Variants in PKIB observed in about 807,000 individuals in gnomAD.
PKIB encodes PKI-beta.
In PKIB, 2 loss-of-function variants were observed where a neutral mutation model predicts 4.5. The ratio of observed to expected loss-of-function variants is 0.44; its 90% CI spans 0.18 to 1.39. PKIB has a LOEUF of 1.39. Ranked by LOEUF, PKIB falls within the 40% of genes most tolerant of loss-of-function variation. The pLI, the probability that PKIB is intolerant of heterozygous loss-of-function variation, is 0.27. For synonymous variants in PKIB, 38 were observed against 36.0 expected, an observed-to-expected ratio of 1.06 and a Z score of -0.20; for missense variants, 94 against 92.6, an observed-to-expected ratio of 1.02 and a Z score of -0.06.
intron 2 of PKIB, among the ~76,000 whole-genome samples, chr6:122,545,000 C>G (rs1772447256): frequency 6.6e-6 from 1 of 151,996 alleles, no homozygotes; most frequent in Admixed American, 6.6e-5. Context: ...CAGATGCTAG[C>G]AAGGTTGCAG....
Position 122,501,026 on chromosome 6 carries a change from G to A in PKIB, c.-248+23087G>A, listed in dbSNP as rs144619718. On this transcript the variant is annotated intron_variant, in intron 2 of 6. Transcript: ENST00000392491. ...CCCCACCAGGACCCTCTCCCAACAC[G>A]TGGGGATTACAATTTGACATGAGAT... Among the ~76,000 whole-genome samples, 5 of 152,106 alleles carry A rather than the reference G, an allele frequency of 3.3e-5. No individual in the cohort carries two copies. The East Asian group carries it at 7.7e-4, about 24-fold the overall frequency.
In PKIB at chr6:122,718,268, G is replaced by T. The variant is rs185007774; in HGVS notation, c.169+305G>T. On this transcript the variant is annotated intron_variant, in intron 4 of 4. Transcript: ENST00000368452. ...GAACAAATATGATCTTTCTCTCAAT[G>T]AGCTTTCAAGTTTATTAAGAAGTAT... is the stretch of plus-strand genomic sequence containing the variant. Among the ~76,000 whole-genome samples, 48 of 152,196 alleles carry T rather than the reference G, an allele frequency of 3.2e-4. 2 individuals are homozygous for T. In the East Asian group the frequency reaches 9.3e-3, roughly 30 times the overall value.
intron 2 of PKIB, among the ~76,000 whole-genome samples, chr6:122,563,874 C>T (rs1333933113): frequency 1.3e-5 from 2 of 152,118 alleles, no homozygotes; most frequent in East Asian, 1.9e-4. Context: ...TGAAATCTCC[C>T]GCCTCCCAGC....
At chr6:122,606,766 T>G (rs1260626491), upstream of PKIB, among the ~76,000 whole-genome samples, 2 of 151,920 alleles carry the variant, frequency 1.3e-5, no homozygotes, top group Non-Finnish European at 2.9e-5. Context: ...CCCACCAGCA[T>G]ATAAAAACAT....
chr6:122,699,776 G>T (rs1778722228), intron 3 of PKIB, among the ~76,000 whole-genome samples: 1 of 152,070 alleles, frequency 6.6e-6, no homozygotes, highest in Non-Finnish European at 1.5e-5. Context: ...TTTTCATTGG[G>T]TCAGAGCGTC....
intron 2 of PKIB, among the ~76,000 whole-genome samples, chr6:122,541,637 T>C (rs1040930415): frequency 2.6e-5 from 4 of 151,918 alleles, no homozygotes; most frequent in African/African-American, 7.3e-5. Context: ...ATTTCAACTT[T>C]GGTGAATCTG....
chr6:122,500,833 A>G (rs1322914253), intron 2 of PKIB, among the ~76,000 whole-genome samples: 6 of 152,218 alleles, frequency 3.9e-5, no homozygotes, highest in Admixed American at 2.0e-4. Flanking sequence ...GAAATTTGCA[A>G]TCATGGCAGA....
intron 2 of PKIB, among the ~76,000 whole-genome samples, chr6:122,665,902 A>G (rs940762988): frequency 1.3e-5 from 2 of 152,188 alleles, no homozygotes; most frequent in Non-Finnish European, 1.5e-5. Context: ...TTCGGTATAA[A>G]GAATAGTCAT....
At chr6:122,484,123 G>A in intron 2 of PKIB, 1 of 150,294 alleles carries the variant, frequency 6.7e-6, no homozygotes, top group East Asian at 2.0e-4. Context: ...AATGAATTTG[G>A]TTGTGCCTTC....
intron 3 of PKIB, among the ~76,000 whole-genome samples, chr6:122,595,286 T>A (rs1358008615): frequency 6.6e-6 from 1 of 152,190 alleles, no homozygotes; most frequent in Non-Finnish European, 1.5e-5. Flanking sequence ...TGTCACGTAG[T>A]TGGCATTGTA....
intron 2 of PKIB, among the ~76,000 whole-genome samples, chr6:122,558,661 A>G (rs2114668174): frequency 6.6e-6 from 1 of 152,278 alleles, no homozygotes; most frequent in African/African-American, 2.4e-5. Context: ...CATTGCTTCT[A>G]TGTAATATAA....
rs78476867 is a variant in PKIB, at chr6:122,699,784, G to A, written c.-8-18003G>A. On this transcript the variant is annotated intron_variant, in intron 3 of 4. Transcript: ENST00000368452. ...CATTTATTTTTCATTGGGTCAGAGC[G>A]TCCATGTCCATTATGGGATATTTTA... 3.3e-3 allele frequency among the ~76,000 whole-genome samples: 502 copies of A among 152,242 alleles called. 5 individuals are homozygous for A. The highest frequency in any genetic ancestry group is 0.012 in the African/African-American group (478 of 41,546).
intron 2 of PKIB, among the ~76,000 whole-genome samples, chr6:122,547,484 C>T (rs1034024952): frequency 7.9e-5 from 12 of 151,940 alleles, no homozygotes; most frequent in Admixed American, 5.9e-4. Flanking sequence ...TACAGGCGCC[C>T]GCCACCAAGC....
chr6:122,704,323 A>G (rs1307742046), intron 3 of PKIB, among the ~76,000 whole-genome samples: 1 of 152,126 alleles, frequency 6.6e-6, no homozygotes, highest in East Asian at 1.9e-4. Context: ...ACACCCCGAG[A>G]AATGGTTAAC....
intron 2 of PKIB, among the ~76,000 whole-genome samples, chr6:122,653,845 C>T (rs533225089): frequency 6.6e-6 from 1 of 152,214 alleles, no homozygotes; most frequent in Non-Finnish European, 1.5e-5. Context: ...GTAGTCCCAA[C>T]TACTCGGAAG....
intron 2 of PKIB, among the ~76,000 whole-genome samples, chr6:122,505,313 G>A (rs1363837594): frequency 6.6e-6 from 1 of 152,136 alleles, no homozygotes. Context: ...CTCCTCAGAG[G>A]CCTCTTGTGG....
intron 2 of PKIB, among the ~76,000 whole-genome samples, chr6:122,660,224 A>C (rs1210088061): frequency 1.3e-5 from 2 of 152,188 alleles, no homozygotes; most frequent in Admixed American, 1.3e-4. Context: ...ATTGTGGACA[A>C]TATGGTCAAG....
At chr6:122,511,701 G>C (rs896892534) in intron 2 of PKIB, among the ~76,000 whole-genome samples, 3 of 152,170 alleles carry the variant, frequency 2.0e-5, no homozygotes, top group Non-Finnish European at 2.9e-5. Context: ...AGTATTTATT[G>C]AGTACAATCA....
chr6:122,703,733 C>A (rs1320882476), intron 3 of PKIB, among the ~76,000 whole-genome samples: 1 of 150,860 alleles, frequency 6.6e-6, no homozygotes, highest in African/African-American at 2.4e-5. Flanking sequence ...TTATGTAGAG[C>A]GTTTTTGCCA....
Sources: gnomAD v4.1 joint callset for allele counts (sites outside exome capture counted in the v4.1 genomes callset) on GRCh38, gnomAD v4.1.1 for gene constraint, MANE v1.5 for transcripts, NCBI Gene and HGNC (gene_info 2026-07-23, HGNC 2026-07-21) for gene names.